TOP2B: variants seen among roughly 807,000 people sequenced by gnomAD.
TOP2B encodes DNA topoisomerase 2-beta.
In TOP2B, 51 loss-of-function variants were observed where a neutral mutation model predicts 193.5. The ratio of observed to expected loss-of-function variants is 0.26; its 90% confidence interval spans 0.21 to 0.33. The LOEUF is 0.33. Ranked by LOEUF, TOP2B falls within the 10% of genes least tolerant of loss-of-function variation. The pLI is 1.00. For missense variants in TOP2B, 1,378 were observed against 1,909.3 expected, an observed-to-expected ratio of 0.72 and a Z score of 5.19; for synonymous variants, 634 against 635.7, an observed-to-expected ratio of 1.00 and a Z score of 0.04.
intron 1 of TOP2B, among the ~76,000 whole-genome samples, chr3:25,646,737 C>G (rs530055800): frequency 8.5e-5 from 13 of 152,074 alleles, no homozygotes; most frequent in Non-Finnish European, 1.5e-5. Flanking sequence ...AATTTCAATT[C>G]CGCTTTAAAG....
In TOP2B at chr3:25,664,907, C is replaced by T. The variant is rs972071066; in HGVS notation, c.-610G>A. On this transcript the variant is annotated 5_prime_UTR_variant, in exon 1 of 36. In the 5' UTR this introduces an upstream ATG that the reference lacks. Coordinates refer to ENST00000264331, the MANE Select transcript of TOP2B (RefSeq NM_001330700.2). ...CTTGTCCGGCATAACACCGCACACA[C>T]ACATTTGCACACCGGGGAGAGAGGG... 38 of 988,360 alleles carry T rather than the reference C, an allele frequency of 3.8e-5. No homozygotes were observed. The highest frequency in any genetic ancestry group is 4.5e-5 in the Non-Finnish European group (37 of 830,580). 61.2% of individuals were successfully genotyped at this position (988,360 alleles called of 1,614,324 possible). A position where few individuals can be genotyped will look rare whatever the true frequency, so the allele number is the denominator to read the frequency against.
chr3:25,609,382 T>C, intron 29 of TOP2B, 38 bp from the exon 30 acceptor site: 1 of 1,516,216 alleles, frequency 6.6e-7, no homozygotes. Flanking sequence ...TGTATCCATA[T>C]TTATAGAAAT....
At chr3:25,602,214 GGTGAA>G (rs1333059568) in intron 33 of TOP2B, among the ~76,000 whole-genome samples, 7 of 151,900 alleles carry the variant, frequency 4.6e-5, no homozygotes, top group Non-Finnish European at 1.0e-4. Flanking sequence ...TGCCCAACAT[GGTGAA>G]ACCCCATCTC....
At chr3:25,639,317 G>GT (rs1703193018) in intron 4 of TOP2B, among the ~76,000 whole-genome samples, 2 of 152,184 alleles carry the variant, frequency 1.3e-5, no homozygotes, top group African/African-American at 4.8e-5. Flanking sequence ...GTTTGTTTTT[G>GT]TTTTTGTTTG....
At chr3:25,661,116 T>C (rs1703897865) in intron 1 of TOP2B, among the ~76,000 whole-genome samples, 1 of 151,270 alleles carries the variant, frequency 6.6e-6, no homozygotes. Context: ...TTCTCCTGCC[T>C]CAGCCTCCCG....
chr3:25,653,872 T>C lies in TOP2B; in HGVS notation c.70-8402A>G, dbSNP rs78168436. Among the ~76,000 whole-genome samples, 658 of 152,300 alleles carry C rather than the reference T, an allele frequency of 4.3e-3. 8 individuals are homozygous for C. Among genetic ancestry groups the C allele is most frequent in the African/African-American group, 0.015 (611 of 41,566 alleles). ...GGCAAAAAACACATTATCATCTCAA[T>C]TGATGTGCAAAAAGCATTTGACAAA... On this transcript the variant is annotated intron_variant, in intron 1 of 35. Coordinates refer to ENST00000264331, the MANE Select transcript of TOP2B (RefSeq NM_001330700.2).
chr3:25,656,513 G>A lies in TOP2B; in HGVS notation c.69+7716C>T, dbSNP rs558077501. On this transcript the variant is annotated intron_variant, in intron 1 of 35. Transcript: ENST00000264331. ...AACCCTTAAACTTGGACGTTTCAAT[G>A]AGTAAATAAGTCTATAATTACTATA... Among the ~76,000 whole-genome samples, 38 of 152,208 alleles carry A rather than the reference G, an allele frequency of 2.5e-4. No homozygotes were observed. In the Middle Eastern group the frequency reaches 0.014, roughly 54 times the overall value.
Position 25,630,312 on chromosome 3 carries a change from C to G in TOP2B, c.1563G>C (p.Gln521His). Residue 521 changes from glutamine to histidine, a missense_variant and splice_region_variant, in exon 12 of 36, where the codon CAG becomes CAC. Physicochemically the swap from Gln to His is conservative, Grantham distance 24. Around this residue, in one of 9 missense-constraint regions of TOP2B, gnomAD observed 66 missense variants for 153.3 expected, o/e 0.43. Coordinates refer to ENST00000264331, the MANE Select transcript of TOP2B (RefSeq NM_001330700.2). ...CATATATATACACACACATACATAC[C>G]TGTTTATGAGAAGCTTCCCGTACAT... ...ILNVREASHK[Q>H]IMENAEINNI... The G allele has an allele frequency of 6.4e-7, 1 of 1,550,874 alleles. No individual in the cohort carries two copies. Among genetic ancestry groups the G allele is most frequent in the South Asian group, 1.2e-5 (1 of 84,010 alleles).
chr3:25,639,678 T>C (rs1261476676), intron 4 of TOP2B, among the ~76,000 whole-genome samples: 2 of 152,236 alleles, frequency 1.3e-5, no homozygotes, highest in Admixed American at 6.5e-5. Context: ...TATTATTTAA[T>C]AAGTGTTAAG....
chr3:25,640,744 T>C (rs905908547), intron 4 of TOP2B, among the ~76,000 whole-genome samples: 1 of 150,776 alleles, frequency 6.6e-6, no homozygotes, highest in African/African-American at 2.4e-5. Flanking sequence ...AGCTCACTTC[T>C]TCGTTGTCTT....
At chr3:25,599,218 G>T (rs762612417) in intron 35 of TOP2B, among the ~76,000 whole-genome samples, 1 of 152,124 alleles carries the variant, frequency 6.6e-6, no homozygotes, top group Non-Finnish European at 1.5e-5. Flanking sequence ...GAAATGGAAG[G>T]TTCTAAGTAG....
At chr3:25,650,171 CAGG>C (rs1279452321) in intron 1 of TOP2B, among the ~76,000 whole-genome samples, 1 of 152,188 alleles carries the variant, frequency 6.6e-6, no homozygotes, top group Admixed American at 6.5e-5. Context: ...AAGGAATGAG[CAGG>C]AGTACTGTCA....
intron 1 of TOP2B, among the ~76,000 whole-genome samples, chr3:25,646,347 T>A (rs926336977): frequency 2.0e-5 from 3 of 152,162 alleles, no homozygotes; most frequent in Non-Finnish European, 4.4e-5. Context: ...TCCTCACATA[T>A]CAGCTCTGGG....
At chr3:25,634,160 T>C (rs1452601310) in intron 7 of TOP2B, 146 bp from the exon 8 acceptor site, 2 of 587,750 alleles carry the variant, frequency 3.4e-6, no homozygotes, top group South Asian at 2.7e-5. Context: ...ATTTCCCAGA[T>C]CTATTCCTTA....
At chr3:25,634,897 G>A (rs946542504) in intron 7 of TOP2B, among the ~76,000 whole-genome samples, 2 of 151,788 alleles carry the variant, frequency 1.3e-5, no homozygotes, top group African/African-American at 2.4e-5. Flanking sequence ...ATAGAGGGCA[G>A]AAAAAAAGTC....
chr3:25,640,648 T>G (rs1703231108), intron 4 of TOP2B, among the ~76,000 whole-genome samples: 1 of 152,100 alleles, frequency 6.6e-6, no homozygotes, highest in African/African-American at 2.4e-5. Flanking sequence ...TAGAATTATG[T>G]TGAATTACTC....
chr3:25,620,208 T>C (rs1380088615), intron 22 of TOP2B, 146 bp from the exon 23 acceptor site: 6 of 604,326 alleles, frequency 9.9e-6, no homozygotes, highest in East Asian at 2.8e-5. Context: ...CCAATCAGTA[T>C]AGAAGGCAAT....
chr3:25,605,693 A>G (rs1397115681), intron 32 of TOP2B, among the ~76,000 whole-genome samples: 5 of 152,056 alleles, frequency 3.3e-5, no homozygotes, highest in Admixed American at 6.6e-5. Context: ...GATTTAGAAA[A>G]CTGTCGTATA....
chr3:25,601,284 A>G (rs1332404120), intron 33 of TOP2B, 59 bp from the exon 34 acceptor site: 1 of 1,555,896 alleles, frequency 6.4e-7, no homozygotes, highest in East Asian at 2.3e-5. Context: ...CAAACTGAAG[A>G]GAGTCCTATA....
Sources: gnomAD v4.1 joint callset for allele counts (sites outside exome capture counted in the v4.1 genomes callset) on GRCh38, gnomAD v4.1.1 for gene constraint, gnomAD v4.1.1 regional missense constraint, MANE v1.5 for transcripts, NCBI Gene and HGNC (gene_info 2026-07-23, HGNC 2026-07-21) for gene names.